HEPHL1: variants seen among roughly 807,000 people sequenced by gnomAD.
HEPHL1 encodes the protein hephaestin like 1, also known as ferroxidase HEPHL1.
Under a neutral mutation model 122.0 loss-of-function variants are expected in HEPHL1, and 123 were observed. The ratio of observed to expected loss-of-function variants is 1.01; its 90% confidence interval spans 0.87 to 1.17. HEPHL1 has a LOEUF of 1.17. Among genes scored for constraint, HEPHL1 ranks in the 50% most tolerant of loss-of-function variants. The probability of loss-of-function intolerance (pLI) is 0.00; values close to 1 mark genes in which losing one functional copy is unlikely to be tolerated. For missense variants in HEPHL1, 1,452 were observed against 1,430.5 expected (o/e 1.01, Z -0.24); for synonymous variants, 527 against 508.9 (o/e 1.04, Z -0.48).
At chr11:94,036,279 G>A (rs536639107) in intron 1 of HEPHL1, among the ~76,000 whole-genome samples, 1 of 152,166 alleles carries the variant, frequency 6.6e-6, no homozygotes, top group South Asian at 2.1e-4. Flanking sequence ...GAACCCCAAG[G>A]GTCTATGAGT....
intron 4 of HEPHL1, among the ~76,000 whole-genome samples, chr11:94,066,000 A>G (rs1946030677): frequency 6.6e-6 from 1 of 152,152 alleles, no homozygotes; most frequent in Non-Finnish European, 1.5e-5. Context: ...CCTGGGCAAC[A>G]TAGGTAGATC....
At chr11:94,101,134 T>G (rs1215729367) in intron 13 of HEPHL1, 61 bp from the exon 14 acceptor site, 1 of 1,565,948 alleles carries the variant, frequency 6.4e-7, no homozygotes, top group Non-Finnish European at 8.7e-7. Flanking sequence ...TGCCTATATT[T>G]AAATTACACT....
intron 12 of HEPHL1, among the ~76,000 whole-genome samples, chr11:94,090,699 T>C (rs1946257982): frequency 6.6e-6 from 1 of 152,202 alleles, no homozygotes; most frequent in Non-Finnish European, 1.5e-5. Flanking sequence ...GAGGCATGTC[T>C]GTAGATAAGA....
intron 18 of HEPHL1, 141 bp downstream of exon 18, chr11:94,111,206 C>A: frequency 1.4e-6 from 1 of 701,820 alleles, no homozygotes; most frequent in Non-Finnish European, 2.4e-6. Flanking sequence ...AAATATGTAA[C>A]TATAATCAAG....
At chr11:94,111,513 A>G (rs1401799350) in intron 18 of HEPHL1, 24 bp from the exon 19 acceptor site, 2 of 1,562,796 alleles carry the variant, frequency 1.3e-6, no homozygotes, top group Non-Finnish European at 1.7e-6. Context: ...TTAATAAAAC[A>G]ATGAACTTGT....
intron 1 of HEPHL1, among the ~76,000 whole-genome samples, chr11:94,026,273 T>C (rs773089063): frequency 3.3e-5 from 5 of 152,198 alleles, no homozygotes; most frequent in African/African-American, 4.8e-5. Flanking sequence ...AGGGTTCTCA[T>C]TGAAACCCTA....
rs186448375 is a variant in HEPHL1 at position 94,043,096 on chromosome 11, A to G, written c.171-2577A>G. 3.3e-5 allele frequency among the ~76,000 whole-genome samples: 5 copies of G among 152,256 alleles called. No individual in the cohort carries two copies. The East Asian group carries it at 9.6e-4, about 29-fold the overall frequency. ...GACACGTGCTTAACACATTTTTTAA[A>G]TAAATTATATGAATGATTGAATTCT... On this transcript the variant is annotated intron_variant, in intron 1 of 19. Transcript: ENST00000315765.
At chr11:94,096,152 C>G (rs979102982) in intron 13 of HEPHL1, among the ~76,000 whole-genome samples, 7 of 152,002 alleles carry the variant, frequency 4.6e-5, no homozygotes, top group South Asian at 2.1e-4. Context: ...TATTGGCTGT[C>G]GGTTTGTCAT....
intron 2 of HEPHL1, among the ~76,000 whole-genome samples, chr11:94,050,272 A>G (rs946789309): frequency 6.6e-6 from 1 of 152,320 alleles, no homozygotes; most frequent in Non-Finnish European, 1.5e-5. Flanking sequence ...GACTTAAGCC[A>G]TTGTGAATGA....
chr11:94,082,997 G>T (rs917735560), intron 10 of HEPHL1, among the ~76,000 whole-genome samples: 1 of 151,814 alleles, frequency 6.6e-6, no homozygotes, highest in Non-Finnish European at 1.5e-5. Context: ...GCTGAGGCAG[G>T]AGAATTGCTT....
At position 94,102,955 on chromosome 11, in the gene HEPHL1, G is replaced by A. The variant is rs779789404; in HGVS notation, c.2617G>A (p.Gly873Ser). Residue 873 changes from glycine (G) to serine (S), a missense_variant, in exon 15 of 20, where the codon GGT (glycine) becomes AGT (serine). Transcript: ENST00000315765. ...TAGATGGAATATCCCTAAAAGATCCGGTCCAGGGCCTTCTGATCCCAATTG... is the reference window on the plus strand; with the variant it reads ...TAGATGGAATATCCCTAAAAGATCCAGTCCAGGGCCTTCTGATCCCAATTG... ...TYRWNIPKRS[G>S]PGPSDPNCIP... is the part of the protein sequence containing the mutation. 1.3e-5 allele frequency: 21 copies of A among 1,608,480 alleles called. No homozygotes were observed. The highest frequency in any genetic ancestry group is 8.3e-5 in the Admixed American group (5 of 59,964).
At chr11:94,094,219 A>G in intron 13 of HEPHL1, among the ~76,000 whole-genome samples, 1 of 151,128 alleles carries the variant, frequency 6.6e-6, no homozygotes, top group East Asian at 2.0e-4. Flanking sequence ...TCATTGTTCA[A>G]TTTCCATCTA....
At chr11:94,025,300 G>A (rs1371284596) in intron 1 of HEPHL1, among the ~76,000 whole-genome samples, 4 of 152,012 alleles carry the variant, frequency 2.6e-5, no homozygotes, top group African/African-American at 9.7e-5. Flanking sequence ...GAGTAAATGG[G>A]GACACTGGGC....
At chr11:94,064,568 C>T (rs1488113658) in intron 4 of HEPHL1, 58 bp downstream of exon 4, 2 of 1,155,948 alleles carry the variant, frequency 1.7e-6, no homozygotes, top group African/African-American at 3.1e-5. Flanking sequence ...TAAGGTACTA[C>T]AAGGGATAAA....
At chr11:94,057,915 T>A (rs1207595873) in intron 2 of HEPHL1, among the ~76,000 whole-genome samples, 1 of 151,342 alleles carries the variant, frequency 6.6e-6, no homozygotes, top group Non-Finnish European at 1.5e-5. Context: ...CATTCCTTCA[T>A]CAACTCTAGG....
At chr11:94,042,712 T>G (rs532348219) in intron 1 of HEPHL1, among the ~76,000 whole-genome samples, 11 of 108,896 alleles carry the variant, frequency 1.0e-4, no homozygotes, top group African/African-American at 3.5e-4. Context: ...ATATCACACT[T>G]TGGGGACTGT....
chr11:94,026,514 C>T (rs951920671), intron 1 of HEPHL1, among the ~76,000 whole-genome samples: 6 of 152,226 alleles, frequency 3.9e-5, no homozygotes, highest in Admixed American at 3.9e-4. Flanking sequence ...TCTTAGTCCC[C>T]ATCTTGCTTT....
chr11:94,053,808 G>GA (rs2134420866), intron 2 of HEPHL1, among the ~76,000 whole-genome samples: 2 of 152,248 alleles, frequency 1.3e-5, no homozygotes, highest in South Asian at 4.1e-4. Flanking sequence ...CATTGTGATT[G>GA]AAAAATATGC....
intron 1 of HEPHL1, among the ~76,000 whole-genome samples, chr11:94,032,451 G>C (rs938785656): frequency 7.2e-5 from 11 of 152,114 alleles, no homozygotes. Flanking sequence ...ACCTTGCTGC[G>C]CTCTCTTTAA....
Sources: allele counts gnomAD v4.1 joint callset (sites outside exome capture counted in the v4.1 genomes callset), GRCh38; gene constraint gnomAD v4.1.1; transcripts MANE v1.5; gene names NCBI Gene and HGNC (gene_info 2026-07-23, HGNC 2026-07-21).